Variants in RIC1 observed in about 807,000 individuals in gnomAD.
The protein encoded by RIC1 is guanine nucleotide exchange factor subunit RIC1.
In RIC1, 88 loss-of-function variants were observed where a neutral mutation model predicts 169.0. That is an observed-to-expected ratio of 0.52 (90% CI 0.44 to 0.62). The LOEUF is 0.62. Ranked by LOEUF, RIC1 falls within the 20% of genes least tolerant of loss-of-function variation. The pLI is 0.00. For synonymous variants in RIC1, 790 were observed against 601.5 expected (o/e 1.31, Z -4.59); for missense variants, 1,877 against 1,725.5 (o/e 1.09, Z -1.56).
At chr9:5,680,988 G>A (rs112378773) in intron 2 of RIC1, among the ~76,000 whole-genome samples, 2,463 of 150,152 alleles carry the variant, frequency 0.016, 35 homozygotes, top group South Asian at 0.042. Context: ...TACCACGCCC[G>A]GCTAATTTTT....
chr9:5,698,690 G>T (rs1822045806), intron 3 of RIC1, among the ~76,000 whole-genome samples: 1 of 152,142 alleles, frequency 6.6e-6, no homozygotes, highest in South Asian at 2.1e-4. Flanking sequence ...TTTTTCCCAA[G>T]ACTTTGGAAA....
chr9:5,678,695 GT>G (rs1227986879), intron 2 of RIC1, among the ~76,000 whole-genome samples: 3 of 152,058 alleles, frequency 2.0e-5, no homozygotes, highest in African/African-American at 7.2e-5. Flanking sequence ...TGATGGGGTT[GT>G]TTTTTTCTTG....
Position 5,738,477 on chromosome 9 carries a change from T to C in RIC1, c.840T>C (p.Asp280=). The C allele has an allele frequency of 1.2e-6, 2 of 1,608,128 alleles. No individual in the cohort carries two copies. Among genetic ancestry groups the C allele is most frequent in the Non-Finnish European group, 8.5e-7 (1 of 1,178,276 alleles). The change falls in exon 8 of 26, where the codon GAT becomes GAC. Residue 280 remains aspartate (D), a synonymous_variant. Coordinates refer to ENST00000414202, the MANE Select transcript of RIC1 (RefSeq NM_020829.4). ...VSGSVQVYTI[D]NSTGAMLLSH... is the part of the protein sequence containing the mutation. Reference sequence around the variant, plus strand: ...GTTCTGTGCAGGTCTATACAATAGATAACAGCACTGGAGCCATGCTGCTAT... The same window carrying C: ...GTTCTGTGCAGGTCTATACAATAGACAACAGCACTGGAGCCATGCTGCTAT...
chr9:5,722,113 A>G (rs952446613), intron 6 of RIC1, among the ~76,000 whole-genome samples: 7 of 151,162 alleles, frequency 4.6e-5, no homozygotes, highest in Admixed American at 1.3e-4. Flanking sequence ...GTCTTGACCT[A>G]CCAACCTCAG....
chr9:5,744,140 C>G (rs1395024140), intron 10 of RIC1, among the ~76,000 whole-genome samples: 1 of 151,928 alleles, frequency 6.6e-6, no homozygotes, highest in Non-Finnish European at 1.5e-5. Context: ...GGAAGGCTGC[C>G]TGGTTTTCAG....
rs1824871820 is a variant in RIC1 at position 5,738,498 on chromosome 9, G to A, written c.861G>A (p.Leu287=). The A allele has an allele frequency of 6.3e-7, 1 of 1,597,810 alleles. No individual in the cohort carries two copies. The highest frequency in any genetic ancestry group is 8.5e-7 in the Non-Finnish European group (1 of 1,174,226). Residue 287 remains leucine, a synonymous_variant, in exon 8 of 26, where the codon CTG becomes CTA. Transcript: ENST00000414202. ...YTIDNSTGAM[L]LSHKLELTAK... Reference sequence around the variant, plus strand: ...TAGATAACAGCACTGGAGCCATGCTGCTATCTCATAAATTAGAGCTAACAG... The same window carrying A: ...TAGATAACAGCACTGGAGCCATGCTACTATCTCATAAATTAGAGCTAACAG...
At chr9:5,682,224 T>A (rs1820893021) in intron 2 of RIC1, among the ~76,000 whole-genome samples, 1 of 152,216 alleles carries the variant, frequency 6.6e-6, no homozygotes, top group Non-Finnish European at 1.5e-5. Context: ...GTTATTTTGC[T>A]TGTTAGTTGA....
At position 5,757,460 on chromosome 9, in the gene RIC1, C is replaced by T. The variant is rs1184831566; in HGVS notation, c.1992+9C>T. The T allele has an allele frequency of 6.2e-7, 1 of 1,613,672 alleles. No individual in the cohort carries two copies. Among genetic ancestry groups the T allele is most frequent in the Non-Finnish European group, 8.5e-7 (1 of 1,179,702 alleles). On this transcript the variant is annotated intron_variant, in intron 17 of 25. Transcript: ENST00000414202. ...TGAAAATGCCACAGCAGGTACCACT[C>T]CATTATCAAAGGTCTTTGGAGTTTA...
Position 5,774,335 on chromosome 9 carries a change from G to T in RIC1, c.*89G>T. On this transcript the variant is annotated 3_prime_UTR_variant, in exon 26 of 26. Transcript: ENST00000414202. ...AACATAGTTGGATGATTTAACAGGA[G>T]AACTCAGTTCAGAGACTCTTCGGTA... The T allele has an allele frequency of 8.6e-7, 1 of 1,165,542 alleles. No individual in the cohort carries two copies. Among genetic ancestry groups the T allele is most frequent in the African/African-American group, 1.5e-5 (1 of 65,952 alleles). 72.2% of individuals were successfully genotyped at this position (1,165,542 alleles called of 1,614,324 possible). A position where few individuals can be genotyped will look rare whatever the true frequency, so the allele number is the denominator to read the frequency against.
intron 6 of RIC1, among the ~76,000 whole-genome samples, chr9:5,724,203 C>G (rs1340600143): frequency 6.6e-6 from 1 of 152,144 alleles, no homozygotes; most frequent in African/African-American, 2.4e-5. Context: ...ATGGAAAGTT[C>G]TTTCATTTGT....
At chr9:5,745,486 C>G (rs1356322624) in intron 10 of RIC1, among the ~76,000 whole-genome samples, 1 of 152,184 alleles carries the variant, frequency 6.6e-6, no homozygotes, top group African/African-American at 2.4e-5. Context: ...AGACTCTAGT[C>G]TCACAGCTTC....
intron 12 of RIC1, among the ~76,000 whole-genome samples, chr9:5,748,067 C>T (rs982887099): frequency 2.0e-5 from 3 of 152,158 alleles, no homozygotes; most frequent in African/African-American, 7.2e-5. Flanking sequence ...CACAGTAATT[C>T]TGATAAACTG....
chr9:5,729,230 G>A (rs923079632), intron 6 of RIC1, among the ~76,000 whole-genome samples: 4 of 152,138 alleles, frequency 2.6e-5, no homozygotes, highest in Admixed American at 2.6e-4. Context: ...TGGTAGGGGT[G>A]GGGGTGTTTT....
intron 1 of RIC1, among the ~76,000 whole-genome samples, chr9:5,650,725 C>G (rs965397387): frequency 6.6e-6 from 1 of 152,096 alleles, no homozygotes; most frequent in Non-Finnish European, 1.5e-5. Flanking sequence ...GGTTTAGGCT[C>G]TCAGAAGTGT....
At chr9:5,737,987 C>T (rs1824829175) in intron 7 of RIC1, among the ~76,000 whole-genome samples, 1 of 151,926 alleles carries the variant, frequency 6.6e-6, no homozygotes, top group African/African-American at 2.4e-5. Context: ...GTGGCAGAGG[C>T]AGAAGAAAAT....
At chr9:5,740,245 ACT>A (rs1563940866) in intron 8 of RIC1, among the ~76,000 whole-genome samples, 1 of 152,092 alleles carries the variant, frequency 6.6e-6, no homozygotes, top group East Asian at 1.9e-4. Flanking sequence ...ATTTTGCATA[ACT>A]CTATATAAAC....
intron 2 of RIC1, among the ~76,000 whole-genome samples, chr9:5,674,916 C>G (rs1193960428): frequency 1.3e-5 from 2 of 152,216 alleles, no homozygotes; most frequent in Non-Finnish European, 2.9e-5. Flanking sequence ...AGACCTGTCT[C>G]AGATACTTCT....
intron 3 of RIC1, among the ~76,000 whole-genome samples, chr9:5,709,104 A>G (rs1822774601): frequency 6.6e-6 from 1 of 152,202 alleles, no homozygotes; most frequent in Admixed American, 6.5e-5. Context: ...AAAACAAAAC[A>G]TGTACCAAGT....
rs949575407 is a variant in RIC1, at chr9:5,629,479, C to T, written c.144+26C>T. 4 of 1,522,418 alleles carry T rather than the reference C, an allele frequency of 2.6e-6. No homozygotes were observed. In the East Asian group the frequency reaches 1.0e-4, roughly 38 times the overall value. 94.3% of individuals were successfully genotyped at this position (1,522,418 alleles called of 1,614,324 possible). On this transcript the variant is annotated intron_variant, in intron 1 of 25. Transcript: ENST00000414202. ...GTAAGTAGAGCCGCCCGCCGCCTTT[C>T]GCCGCTGCCTCCCCGGCCTCCCGGC... is the stretch of plus-strand genomic sequence containing the variant.
Sources: allele counts gnomAD v4.1 joint callset (sites outside exome capture counted in the v4.1 genomes callset), GRCh38; gene constraint gnomAD v4.1.1; transcripts MANE v1.5; gene names NCBI Gene and HGNC (gene_info 2026-07-23, HGNC 2026-07-21).